The following GLI2 variants were observed in gnomAD, a reference collection of about 807,000 sequenced individuals.
GLI2 encodes transcription activator GLI2.
In GLI2, 22 loss-of-function variants were observed where a neutral mutation model predicts 78.9. The observed-to-expected ratio is 0.28, with a 90% confidence interval of 0.20 to 0.40. The LOEUF is 0.40. Among genes scored for constraint, GLI2 ranks in the 10% least tolerant of loss-of-function variants. The pLI is 1.00. For missense variants in GLI2, 2,097 were observed against 2,213.2 expected (o/e 0.95, Z 1.05); for synonymous variants, 974 against 963.7 (o/e 1.01, Z -0.20).
intron 1 of GLI2, among the ~76,000 whole-genome samples, chr2:120,761,666 C>T (rs1230697565): frequency 6.6e-6 from 1 of 152,246 alleles, no homozygotes; most frequent in African/African-American, 2.4e-5. Flanking sequence ...AGAGCCACCT[C>T]CCCTGCCTCC....
intron 2 of GLI2, among the ~76,000 whole-genome samples, chr2:120,921,695 C>T (rs1679388170): frequency 6.6e-6 from 1 of 152,192 alleles, no homozygotes; most frequent in Admixed American, 6.5e-5. Context: ...ACTGGACCCT[C>T]CTTGTACAGC....
intron 2 of GLI2, among the ~76,000 whole-genome samples, chr2:120,915,985 A>C (rs769951243): frequency 1.3e-5 from 2 of 152,194 alleles, no homozygotes; most frequent in Non-Finnish European, 2.9e-5. Context: ...GGACATGATA[A>C]ATGATTTCCC....
chr2:120,839,687 C>T (rs1035080463), intron 2 of GLI2, among the ~76,000 whole-genome samples: 3 of 152,262 alleles, frequency 2.0e-5, no homozygotes, highest in South Asian at 2.1e-4. Context: ...CTCAGCCACC[C>T]GAGTAGCTGG....
intron 1 of GLI2, among the ~76,000 whole-genome samples, chr2:120,744,638 A>C (rs1485649550): frequency 6.6e-6 from 1 of 152,254 alleles, no homozygotes; most frequent in Non-Finnish European, 1.5e-5. Flanking sequence ...ATAGACATTT[A>C]TATGGCTAAA....
Position 120,975,051 on chromosome 2 carries a change from C to A in GLI2, c.1259C>A (p.Thr420Asn), listed in dbSNP as rs757506839. The A allele has an allele frequency of 6.2e-7, 1 of 1,614,094 alleles. No homozygotes were observed. The highest frequency in any genetic ancestry group is 8.5e-7 in the Non-Finnish European group (1 of 1,180,038). The change falls in exon 9 of 14, where the codon ACC becomes AAC. Residue 420 changes from threonine (T) to asparagine (N), a missense_variant. Thr to Asn is a moderately conservative substitution (Grantham distance 65). Around this residue, in one of 5 missense-constraint regions of GLI2, gnomAD observed 578 missense variants for 612.0 expected, o/e 0.94. Coordinates refer to ENST00000361492, the MANE Select transcript of GLI2 (RefSeq NM_001374353.1). ...GAGGCTGAGGTGGTCATCTATGAGA[C>A]CAACTGCCACTGGGAAGACTGCACC... ...KQEAEVVIYETNCHWEDCTKE... is the reference protein window; with the variant it reads ...KQEAEVVIYENNCHWEDCTKE...
At chr2:120,798,142 C>T (rs1459850963) in intron 2 of GLI2, among the ~76,000 whole-genome samples, 3 of 152,228 alleles carry the variant, frequency 2.0e-5, no homozygotes, top group Non-Finnish European at 4.4e-5. Flanking sequence ...GGAGAGACTT[C>T]GATTTCTTTT....
At chr2:120,934,317 C>T (rs1024421701) in intron 3 of GLI2, among the ~76,000 whole-genome samples, 1 of 152,224 alleles carries the variant, frequency 6.6e-6, no homozygotes, top group African/African-American at 2.4e-5. Context: ...ATATTCTCAG[C>T]TTGCAAAAGG....
intron 2 of GLI2, among the ~76,000 whole-genome samples, chr2:120,909,821 C>T (rs955960793): frequency 9.9e-5 from 15 of 152,180 alleles, no homozygotes; most frequent in South Asian, 2.1e-4. Flanking sequence ...GCTGAGATCA[C>T]GCCACTGCAC....
intron 2 of GLI2, among the ~76,000 whole-genome samples, chr2:120,847,400 A>G (rs977153257): frequency 6.6e-6 from 1 of 152,178 alleles, no homozygotes; most frequent in Admixed American, 6.5e-5. Context: ...CCACACAGGT[A>G]AAAGCGTTTC....
At chr2:120,740,212 G>A (rs1462060554) in intron 1 of GLI2, among the ~76,000 whole-genome samples, 1 of 152,036 alleles carries the variant, frequency 6.6e-6, no homozygotes, top group African/African-American at 2.4e-5. Context: ...AGATGATAAC[G>A]GTATACTTTC....
At chr2:120,893,776 A>G (rs1361925734) in intron 2 of GLI2, among the ~76,000 whole-genome samples, 1 of 152,184 alleles carries the variant, frequency 6.6e-6, no homozygotes, top group Non-Finnish European at 1.5e-5. Context: ...ACTCCCTGGC[A>G]AAGCAGTTGG....
At chr2:120,986,256 C>T in intron 12 of GLI2, 22 bp from the exon 13 acceptor site, 1 of 1,607,496 alleles carries the variant, frequency 6.2e-7, no homozygotes, top group Non-Finnish European at 8.5e-7. Flanking sequence ...GAGTCTGAGC[C>T]TTCTTGCCTC....
chr2:120,823,463 C>T (rs918307204), intron 2 of GLI2, among the ~76,000 whole-genome samples: 7 of 152,154 alleles, frequency 4.6e-5, no homozygotes, highest in East Asian at 1.9e-4. Context: ...GCCCAGTACA[C>T]GCTGAAGTGT....
chr2:120,932,891 C>A (rs1210188631), intron 3 of GLI2, among the ~76,000 whole-genome samples: 1 of 152,130 alleles, frequency 6.6e-6, no homozygotes, highest in Non-Finnish European at 1.5e-5. Context: ...GGGGATGGGG[C>A]TGAAGGAGTG....
intron 2 of GLI2, among the ~76,000 whole-genome samples, chr2:120,860,690 G>T (rs888120332): frequency 1.3e-5 from 2 of 152,226 alleles, no homozygotes; most frequent in Non-Finnish European, 2.9e-5. Context: ...TTGCCTGCAA[G>T]AAGGCCCTGT....
Position 120,981,833 on chromosome 2 carries a change from G to C in GLI2, c.1468-883G>C, listed in dbSNP as rs187707490. ...CCTTTCCTTCCTTCCTCTCTCCCTT[G>C]CTCCCTCCTTTCCTCCTTCCGTCCT... On this transcript the variant is annotated intron_variant, in intron 10 of 13. Transcript: ENST00000361492. Among the ~76,000 whole-genome samples, 675 of 151,752 alleles carry C rather than the reference G, an allele frequency of 4.4e-3. 5 individuals carry two copies. The highest frequency in any genetic ancestry group is 6.7e-3 in the Non-Finnish European group (454 of 67,916).
Position 120,990,474 on chromosome 2 carries a change from T to G in GLI2, c.4509T>G (p.Asp1503Glu), listed in dbSNP as rs148902971. 3.3e-4 allele frequency: 535 copies of G among 1,613,916 alleles called. 8 individuals carry two copies. The South Asian group carries it at 5.3e-3, about 16-fold the overall frequency. Residue 1503 changes from aspartate (D) to glutamate (E), a missense_variant, in exon 14 of 14, where the codon GAT becomes GAG. By Grantham distance (45) the Asp-to-Glu change is conservative. Coordinates refer to ENST00000361492, the MANE Select transcript of GLI2 (RefSeq NM_001374353.1). ...IDFDAIMDDG[D>E]HSSLFSGALS... ...TCGATGCCATCATGGATGATGGCGA[T>G]CACTCGAGTTTGTTCTCGGGTGCTC...
intron 2 of GLI2, among the ~76,000 whole-genome samples, chr2:120,917,359 G>A (rs1006566806): frequency 2.0e-5 from 3 of 152,246 alleles, no homozygotes; most frequent in Non-Finnish European, 4.4e-5. Flanking sequence ...AGCCAGTGGT[G>A]CATCTGTTCT....
Position 120,797,420 on chromosome 2 carries a change from C to T in GLI2, c.100C>T (p.Pro34Ser). The change falls in exon 2 of 14, where the codon CCT becomes TCT. Residue 34 changes from proline to serine, a missense_variant. Transcript: ENST00000361492. ...GFPDPGKKASPLVVAAAAAAA... is the reference protein window; with the variant it reads ...GFPDPGKKASSLVVAAAAAAA... ...CCCCGACCCGGGTAAAAAGGCCTCT[C>T]CTTTGGTGGTGGCTGCAGCGGCAGC... The T allele has an allele frequency of 6.2e-7, 1 of 1,614,060 alleles. No individual in the cohort carries two copies. The highest frequency in any genetic ancestry group is 8.5e-7 in the Non-Finnish European group (1 of 1,179,970).
Sources: allele counts gnomAD v4.1 joint callset (sites outside exome capture counted in the v4.1 genomes callset), GRCh38; gene constraint gnomAD v4.1.1; regional missense constraint gnomAD v4.1.1; transcripts MANE v1.5; gene names NCBI Gene and HGNC (gene_info 2026-07-23, HGNC 2026-07-21).